SFXN1: variants seen among roughly 807,000 people sequenced by gnomAD.
The protein encoded by SFXN1 is sideroflexin 1, also known as sideroflexin-1.
A neutral mutation model predicts 39.5 loss-of-function variants in SFXN1; 32 were observed. The observed-to-expected ratio is 0.81, with a 90% confidence interval of 0.61 to 1.09. The LOEUF is 1.09. SFXN1 is among the 50% of genes least tolerant of loss of function. The pLI is 0.00. For synonymous variants in SFXN1, 136 were observed against 146.5 expected (o/e 0.93, Z 0.52); for missense variants, 402 against 407.1 (o/e 0.99, Z 0.11).
intron 2 of SFXN1, among the ~76,000 whole-genome samples, chr5:175,502,638 A>G (rs1042452080): frequency 6.6e-6 from 1 of 152,178 alleles, no homozygotes; most frequent in African/African-American, 2.4e-5. Flanking sequence ...TCAGGAGTTC[A>G]AGACCAGCCT....
At chr5:175,488,250 C>T (rs1759521880) in intron 1 of SFXN1, among the ~76,000 whole-genome samples, 1 of 152,176 alleles carries the variant, frequency 6.6e-6, no homozygotes, top group South Asian at 2.1e-4. Flanking sequence ...CCCACTTCCT[C>T]ACTCCGCCCC....
chr5:175,492,252 T>C lies in SFXN1; in HGVS notation c.149T>C (p.Ile50Thr). The C allele has an allele frequency of 1.2e-6, 2 of 1,611,130 alleles. No individual in the cohort carries two copies. Among genetic ancestry groups the C allele is most frequent in the African/African-American group, 1.3e-5 (1 of 74,852 alleles). Residue 50 changes from isoleucine to threonine, a missense_variant, in exon 2 of 11, where the codon ATA becomes ACA. Transcript: ENST00000321442. ...GAACAACTCGAGAGTGCGAGAAAAATAGTACATGATTACAGGTAACATTAA... is the reference window on the plus strand; with the variant it reads ...GAACAACTCGAGAGTGCGAGAAAAACAGTACATGATTACAGGTAACATTAA... ...TNEQLESARK[I>T]VHDYRQGIVP...
chr5:175,518,973 A>G (rs1760798260), intron 8 of SFXN1, among the ~76,000 whole-genome samples: 1 of 152,218 alleles, frequency 6.6e-6, no homozygotes. Context: ...ATGGGGAAAA[A>G]TGTTTACAAG....
chr5:175,513,489 C>T lies in SFXN1; in HGVS notation c.623C>T (p.Thr208Met), dbSNP rs552289806. The stretch of plus-strand genomic sequence containing the variant: ...GAACTCAAAGTTGGCATTCCCGTCA[C>T]GGATGAGAATGGGAACCGCTTGGGG... ...QRELKVGIPV[T>M]DENGNRLGES... The change falls in exon 7 of 11, where the codon ACG (threonine) becomes ATG (methionine). Residue 208 changes from threonine to methionine, a missense_variant. Physicochemically the swap from Thr to Met is moderately conservative, Grantham distance 81. Coordinates refer to ENST00000321442, the MANE Select transcript of SFXN1 (RefSeq NM_022754.7). The T allele has an allele frequency of 1.6e-5, 26 of 1,613,792 alleles. No homozygotes were observed. Among genetic ancestry groups the T allele is most frequent in the South Asian group, 8.8e-5 (8 of 91,072 alleles).
At chr5:175,482,284 A>G (rs754353149) in intron 1 of SFXN1, among the ~76,000 whole-genome samples, 1 of 152,222 alleles carries the variant, frequency 6.6e-6, no homozygotes, top group Non-Finnish European at 1.5e-5. Flanking sequence ...TTTGACCAAC[A>G]GCTTTCCAGC....
chr5:175,482,743 G>T (rs892124188), intron 1 of SFXN1, among the ~76,000 whole-genome samples: 3 of 152,178 alleles, frequency 2.0e-5, no homozygotes, highest in Admixed American at 2.0e-4. Flanking sequence ...CAGAATTGAG[G>T]CTCAGAGGTG....
chr5:175,504,332 T>G (rs551829632), intron 2 of SFXN1, among the ~76,000 whole-genome samples: 11 of 152,156 alleles, frequency 7.2e-5, no homozygotes, highest in African/African-American at 2.4e-4. Flanking sequence ...CCCAGCACTT[T>G]GGGAGGCCAG....
chr5:175,480,262 G>A (rs554230762), intron 1 of SFXN1, among the ~76,000 whole-genome samples: 4 of 152,226 alleles, frequency 2.6e-5, no homozygotes, highest in Middle Eastern at 3.4e-3. Flanking sequence ...TTAGCTGGGC[G>A]TGGTTGCGGG....
intron 1 of SFXN1, among the ~76,000 whole-genome samples, chr5:175,489,096 A>G (rs1397909192): frequency 7.0e-6 from 1 of 143,872 alleles, no homozygotes; most frequent in Non-Finnish European, 1.5e-5. Context: ...GATATTAAAG[A>G]TAGCAGCCTT....
At position 175,511,841 on chromosome 5, in the gene SFXN1, A is replaced by ATCTCTCTC. The variant is rs146338435; in HGVS notation, c.511-255_511-248dup. On this transcript the variant is annotated intron_variant, in intron 5 of 10. Coordinates refer to ENST00000321442, the MANE Select transcript of SFXN1 (RefSeq NM_022754.7). Reference sequence around the variant, plus strand: ...CACAGCTCTGAAGAGAGGCAAGAGCATCTCTCTCTCTCTCTCTCTCTCCCC... The same window carrying ATCTCTCTC: ...CACAGCTCTGAAGAGAGGCAAGAGCATCTCTCTCTCTCTCTCTCTCTCTCTCTCTCCCC... Among the ~76,000 whole-genome samples the ATCTCTCTC allele has an allele frequency of 9.5e-3, 898 of 94,450 alleles. 9 individuals carry two copies. Among genetic ancestry groups the ATCTCTCTC allele is most frequent in the African/African-American group, 0.048 (833 of 17,356 alleles). The allele number at this position is 94,450 out of a possible 152,430, so 62.0% of individuals were successfully genotyped here.
chr5:175,526,655 G>A lies in SFXN1; in HGVS notation c.890G>A (p.Ser297Asn). Reference sequence around the variant, plus strand: ...TATCCCAGTTCCATGTCTGTGACAAGCTTGGAGGCCGAGTTGCAAGCTAAG... The same window carrying A: ...TATCCCAGTTCCATGTCTGTGACAAACTTGGAGGCCGAGTTGCAAGCTAAG... ...FPQKSSMSVT[S>N]LEAELQAKIQ... Residue 297 changes from serine (S) to asparagine (N), a missense_variant, in exon 11 of 11, where the codon AGC (serine) becomes AAC (asparagine). Ser to Asn is a conservative substitution (Grantham distance 46, BLOSUM62 1). Coordinates refer to ENST00000321442, the MANE Select transcript of SFXN1 (RefSeq NM_022754.7). 6.2e-7 allele frequency: 1 copy of A among 1,614,198 alleles called. No individual in the cohort carries two copies. The highest frequency in any genetic ancestry group is 1.7e-5 in the Admixed American group (1 of 60,030).
chr5:175,509,317 C>G, intron 3 of SFXN1, 115 bp downstream of exon 3: 1 of 1,012,336 alleles, frequency 9.9e-7, no homozygotes, highest in Non-Finnish European at 1.4e-6. Context: ...TATGAAGTGA[C>G]AAACAAGGTA....
chr5:175,516,761 G>A (rs1427376635), intron 8 of SFXN1, 98 bp downstream of exon 8: 10 of 1,221,480 alleles, frequency 8.2e-6, no homozygotes, highest in Admixed American at 2.3e-5. Context: ...TAAAGAAGCC[G>A]AAGGCCAGTT....
intron 2 of SFXN1, among the ~76,000 whole-genome samples, chr5:175,504,494 G>A (rs1760213020): frequency 6.6e-6 from 1 of 150,776 alleles, no homozygotes; most frequent in Admixed American, 6.6e-5. Context: ...AGAATCGCTT[G>A]AACCTGGGAG....
intron 10 of SFXN1, chr5:175,524,120 AAAAAAATATATATATATATATAT>A (rs1294931213): frequency 1.6e-4 from 6 of 38,054 alleles, no homozygotes; most frequent in East Asian, 8.0e-4. Flanking sequence ...AAAAAAAAAA[AAAAAAATATATATATATATATAT>A]ATATATATAT....
At chr5:175,492,390 A>C (rs1759693015) in intron 2 of SFXN1, 123 bp downstream of exon 2, 1 of 140,512 alleles carries the variant, frequency 7.1e-6, no homozygotes. Context: ...CTTTTGACCA[A>C]AAAAAAAAAA....
rs1391214339 is a variant in SFXN1, at chr5:175,514,501, A to G, written c.724+911A>G. Among the ~76,000 whole-genome samples, 4 of 152,218 alleles carry G rather than the reference A, an allele frequency of 2.6e-5. No individual in the cohort carries two copies. The East Asian group carries it at 7.7e-4, about 29-fold the overall frequency. On this transcript the variant is annotated intron_variant, in intron 7 of 10. Coordinates refer to ENST00000321442, the MANE Select transcript of SFXN1 (RefSeq NM_022754.7). ...CAGTTAGAGTGCTCTTCACAGAAAAAAAACAGAAATTAGTATGTTTAATTT... is the reference window on the plus strand; with the variant it reads ...CAGTTAGAGTGCTCTTCACAGAAAAGAAACAGAAATTAGTATGTTTAATTT...
intron 9 of SFXN1, 27 bp from the exon 10 acceptor site, chr5:175,522,348 C>G (rs1408183773): frequency 6.4e-7 from 1 of 1,572,072 alleles, no homozygotes; most frequent in South Asian, 1.2e-5. Context: ...TTAAAATGGT[C>G]TGACTTTTTT....
At chr5:175,485,428 A>G (rs116211018) in intron 1 of SFXN1, among the ~76,000 whole-genome samples, 1 of 152,254 alleles carries the variant, frequency 6.6e-6, no homozygotes, top group African/African-American at 2.4e-5. Context: ...ACAGCCCAGC[A>G]TCACTCCAAC....
Sources: allele counts gnomAD v4.1 joint callset (sites outside exome capture counted in the v4.1 genomes callset), GRCh38; gene constraint gnomAD v4.1.1; transcripts MANE v1.5; gene names NCBI Gene and HGNC (gene_info 2026-07-23, HGNC 2026-07-21).